Variants in TNRC6A observed in about 807,000 individuals in gnomAD.
The protein encoded by TNRC6A is trinucleotide repeat containing adaptor 6A.
A neutral mutation model predicts 221.2 loss-of-function variants in TNRC6A; 44 were observed. The ratio of observed to expected loss-of-function variants is 0.20; its 90% CI spans 0.16 to 0.26. TNRC6A has a LOEUF of 0.26. Ranked by LOEUF, TNRC6A falls within the 10% of genes least tolerant of loss-of-function variation. The pLI is 1.00. For missense variants in TNRC6A, 2,199 were observed against 2,404.4 expected (o/e 0.91, Z 1.79); for synonymous variants, 847 against 838.5 (o/e 1.01, Z -0.18).
rs2057375256 is a variant in TNRC6A at position 24,762,047 on chromosome 16, C to G, written c.163+3687C>G. Among the ~76,000 whole-genome samples the G allele has an allele frequency of 3.3e-5, 5 of 152,230 alleles. No homozygotes were observed. In the South Asian group the frequency reaches 8.3e-4, roughly 25 times the overall value. On this transcript the variant is annotated intron_variant, in intron 4 of 24. Transcript: ENST00000395799. Reference sequence around the variant, plus strand: ...TTCCAAAGAGTAATAAACCCCTGAGCTCCTAAGGGAGTTATGGGAAGCCCG... The same window carrying G: ...TTCCAAAGAGTAATAAACCCCTGAGGTCCTAAGGGAGTTATGGGAAGCCCG...
chr16:24,664,494 TAAA>T (rs962777474), intron 2 of TNRC6A, among the ~76,000 whole-genome samples: 10 of 143,770 alleles, frequency 7.0e-5, no homozygotes, highest in African/African-American at 2.3e-4. Flanking sequence ...ATAAATATAA[TAAA>T]AATAAATATA....
At chr16:24,761,940 T>C (rs185098364) in intron 4 of TNRC6A, among the ~76,000 whole-genome samples, 18 of 152,318 alleles carry the variant, frequency 1.2e-4, no homozygotes, top group African/African-American at 4.1e-4. Context: ...GACCTCTTTT[T>C]CCTCTGTCTC....
At chr16:24,718,719 T>A (rs1412026942) in intron 2 of TNRC6A, among the ~76,000 whole-genome samples, 1 of 151,994 alleles carries the variant, frequency 6.6e-6, no homozygotes, top group Non-Finnish European at 1.5e-5. Context: ...ACCTCTTTGG[T>A]GGTGATGTGG....
intron 2 of TNRC6A, among the ~76,000 whole-genome samples, 200 bp downstream of exon 2, chr16:24,730,500 A>G (rs1433185908): frequency 6.6e-6 from 1 of 151,742 alleles, no homozygotes; most frequent in Non-Finnish European, 1.5e-5. Flanking sequence ...TTTCTTTAAA[A>G]AAAAAAAAAA....
intron 10 of TNRC6A, 66 bp downstream of exon 10, chr16:24,797,636 C>G: frequency 7.6e-7 from 1 of 1,312,622 alleles, no homozygotes; most frequent in Non-Finnish European, 1.1e-6. Flanking sequence ...CTTGATTTCA[C>G]TCTTTTTAAG....
intron 2 of TNRC6A, among the ~76,000 whole-genome samples, chr16:24,647,870 C>T (rs968815139): frequency 2.6e-5 from 4 of 152,194 alleles, no homozygotes; most frequent in African/African-American, 9.6e-5. Context: ...CTCAGCCTCC[C>T]AAAGTGCTGG....
intron 3 of TNRC6A, among the ~76,000 whole-genome samples, chr16:24,754,640 T>C (rs2057210823): frequency 6.6e-6 from 1 of 152,158 alleles, no homozygotes; most frequent in Admixed American, 6.5e-5. Context: ...TTAGAAGAAA[T>C]TTCTCCAAGG....
At chr16:24,822,451 G>C (rs190099742) in intron 23 of TNRC6A, among the ~76,000 whole-genome samples, 14 of 152,322 alleles carry the variant, frequency 9.2e-5, no homozygotes, top group Admixed American at 7.8e-4. Flanking sequence ...TTTGACACAG[G>C]TGGTCCTTGT....
rs186361235 is a variant in TNRC6A, at chr16:24,635,664, G to C, written n.277-5220G>C. 2.6e-5 allele frequency among the ~76,000 whole-genome samples: 4 copies of C among 152,186 alleles called. No homozygotes were observed. In the East Asian group the frequency reaches 7.7e-4, roughly 29 times the overall value. On this transcript the variant is annotated intron_variant and non_coding_transcript_variant, in intron 1 of 2. Coordinates refer to the TNRC6A transcript ENST00000566108. The stretch of plus-strand genomic sequence containing the variant: ...AGACATCACATTTGTTGGTATTCAG[G>C]GAAAACAATTACCATTTGTGTATCT...
intron 2 of TNRC6A, among the ~76,000 whole-genome samples, chr16:24,682,415 A>G (rs1263607156): frequency 1.3e-4 from 18 of 136,754 alleles, no homozygotes; most frequent in Middle Eastern, 3.7e-3. Flanking sequence ...TTCAGTAGAG[A>G]TGGGGTTTTG....
chr16:24,770,741 T>C (rs2057573452), intron 4 of TNRC6A, among the ~76,000 whole-genome samples: 1 of 152,232 alleles, frequency 6.6e-6, no homozygotes, highest in South Asian at 2.1e-4. Context: ...TTCTCACCTG[T>C]ATGTTGAATC....
At chr16:24,642,330 C>T (rs766276687) in intron 2 of TNRC6A, among the ~76,000 whole-genome samples, 2 of 152,044 alleles carry the variant, frequency 1.3e-5, no homozygotes, top group Non-Finnish European at 2.9e-5. Context: ...TGACGCCTGT[C>T]GAGTTGTCAG....
rs1168193751 is a variant in TNRC6A, at chr16:24,790,624, G to A, written c.1982G>A (p.Ser661Asn). The change falls in exon 6 of 25, where the codon AGT becomes AAT. Residue 661 changes from serine to asparagine, a missense_variant. Transcript: ENST00000395799. ...SATSQTNEQSSVWAKTGGTVE... is the reference protein window; with the variant it reads ...SATSQTNEQSNVWAKTGGTVE... Reference sequence around the variant, plus strand: ...ACATCTCAGACAAATGAGCAAAGCAGTGTGTGGGCCAAAACAGGAGGTACA... The same window carrying A: ...ACATCTCAGACAAATGAGCAAAGCAATGTGTGGGCCAAAACAGGAGGTACA... The A allele has an allele frequency of 1.9e-6, 3 of 1,614,130 alleles. No individual in the cohort carries two copies. The highest frequency in any genetic ancestry group is 2.2e-5 in the South Asian group (2 of 91,092).
chr16:24,640,351 G>C (rs1318406271), intron 1 of TNRC6A, among the ~76,000 whole-genome samples: 5 of 150,982 alleles, frequency 3.3e-5, no homozygotes, highest in African/African-American at 1.2e-4. Flanking sequence ...AGTGGGCTGT[G>C]ATTGCACAGC....
At chr16:24,610,785 C>T (rs1392331552) in intron 1 of TNRC6A, among the ~76,000 whole-genome samples, 1 of 151,918 alleles carries the variant, frequency 6.6e-6, no homozygotes, top group Non-Finnish European at 1.5e-5. Context: ...TCTCACCTTC[C>T]CCCTTTCCAC....
chr16:24,650,062 G>A (rs1902552820), intron 2 of TNRC6A, among the ~76,000 whole-genome samples: 1 of 151,060 alleles, frequency 6.6e-6, no homozygotes, highest in Non-Finnish European at 1.5e-5. Context: ...GACCTCAAAT[G>A]ATCTGCCTGC....
rs577598452 is a variant in TNRC6A at position 24,729,687 on chromosome 16, G to GTGTCGT, written c.-155_-154insTGTCGT. ...GGGGCCTGCGGCGGCGGCGGTGTCGGCGGCGGCGGCGGCGGCGGCGGCGGC... is the reference window on the plus strand; with the variant it reads ...GGGGCCTGCGGCGGCGGCGGTGTCGGTGTCGTCGGCGGCGGCGGCGGCGGCGGCGGC... On this transcript the variant is annotated 5_prime_UTR_variant, in exon 1 of 25. Coordinates refer to ENST00000395799, the MANE Select transcript of TNRC6A (RefSeq NM_014494.4). 68 of 266,524 alleles carry GTGTCGT rather than the reference G, an allele frequency of 2.6e-4. 2 individuals carry two copies. Among genetic ancestry groups the GTGTCGT allele is most frequent in the Admixed American group, 4.5e-4 (5 of 11,212 alleles). 16.5% of individuals were successfully genotyped at this position (266,524 alleles called of 1,614,324 possible).
At chr16:24,646,299 C>T (rs1567321999) in intron 2 of TNRC6A, among the ~76,000 whole-genome samples, 1 of 152,150 alleles carries the variant, frequency 6.6e-6, no homozygotes, top group Admixed American at 6.5e-5. Flanking sequence ...ATTGACAGTA[C>T]AGTAAATCTT....
At chr16:24,620,768 A>T (rs1055604222) in intron 1 of TNRC6A, among the ~76,000 whole-genome samples, 7 of 151,298 alleles carry the variant, frequency 4.6e-5, no homozygotes, top group African/African-American at 1.5e-4. Flanking sequence ...AGATCGTGCC[A>T]TTGCATTCCA....
Sources: gnomAD v4.1 joint callset for allele counts (sites outside exome capture counted in the v4.1 genomes callset) on GRCh38, gnomAD v4.1.1 for gene constraint, MANE v1.5 for transcripts, NCBI Gene and HGNC (gene_info 2026-07-23, HGNC 2026-07-21) for gene names.